Variants in KLF15 observed in about 807,000 individuals in gnomAD.
KLF15 encodes KLF transcription factor 15, also known as Krueppel-like factor 15.
In KLF15, 4 loss-of-function variants were observed where a neutral mutation model predicts 24.6. The observed-to-expected ratio is 0.16, with a 90% CI of 0.08 to 0.37. The LOEUF is 0.37. Among genes scored for constraint, KLF15 ranks in the 10% least tolerant of loss-of-function variants. The pLI is 1.00. For synonymous variants in KLF15, 246 were observed against 236.3 expected (o/e 1.04, Z -0.37); for missense variants, 496 against 560.6 (o/e 0.88, Z 1.16).
chr3:126,301,760 G>A, the KLF15 span, among the ~76,000 whole-genome samples: 3 of 151,358 alleles, frequency 2.0e-5, no homozygotes, highest in Non-Finnish European at 2.9e-5. Flanking sequence ...GATTACAGGC[G>A]CCCGCCACCA....
chr3:126,343,696 G>A lies in KLF15; in HGVS notation c.*31C>T. 2.5e-6 allele frequency: 4 copies of A among 1,593,730 alleles called. No individual in the cohort carries two copies. Among genetic ancestry groups the A allele is most frequent in the African/African-American group, 2.7e-5 (2 of 73,678 alleles). On this transcript the variant is annotated 3_prime_UTR_variant, in exon 3 of 3. Transcript: ENST00000296233. ...AAATGGGGATGGGGTGGGGATCCGG[G>A]GTGACGGACAGGCTGGGGTTCAGGG...
chr3:126,314,571 G>A, the KLF15 span, among the ~76,000 whole-genome samples: 1 of 152,114 alleles, frequency 6.6e-6, no homozygotes, highest in Non-Finnish European at 1.5e-5. Flanking sequence ...CCACACCTCT[G>A]TGCCCCAGGC....
the KLF15 span, among the ~76,000 whole-genome samples, chr3:126,313,069 T>C: frequency 6.6e-6 from 1 of 152,202 alleles, no homozygotes; most frequent in Admixed American, 6.5e-5. Flanking sequence ...GAATTAGGCC[T>C]TTAAACAGGC....
At chr3:126,295,871 T>C in the KLF15 span, among the ~76,000 whole-genome samples, 700 of 152,268 alleles carry the variant, frequency 4.6e-3, 7 homozygotes, top group African/African-American at 0.016. Flanking sequence ...CACTGTTAGG[T>C]TGGATTAGCC....
chr3:126,339,684 C>A (rs1310917231), downstream of KLF15, among the ~76,000 whole-genome samples: 1 of 152,166 alleles, frequency 6.6e-6, no homozygotes, highest in African/African-American at 2.4e-5. Context: ...CCCTGCCAGG[C>A]CTTGGATAGC....
chr3:126,296,380 T>C, the KLF15 span, among the ~76,000 whole-genome samples: 2 of 152,210 alleles, frequency 1.3e-5, no homozygotes, highest in Non-Finnish European at 2.9e-5. Flanking sequence ...GCTAATTTTT[T>C]GTATTTTTAA....
chr3:126,316,291 G>C, the KLF15 span, among the ~76,000 whole-genome samples: 6 of 151,820 alleles, frequency 4.0e-5, no homozygotes, highest in Non-Finnish European at 5.9e-5. Context: ...GGCCAGAATG[G>C]GGAAGGGAGT....
chr3:126,304,954 A>G, the KLF15 span, among the ~76,000 whole-genome samples: 32 of 152,252 alleles, frequency 2.1e-4, no homozygotes, highest in Non-Finnish European at 4.3e-4. Flanking sequence ...GTCCAAGTAG[A>G]GTCTACCTTT....
At chr3:126,323,552 G>T in the KLF15 span, among the ~76,000 whole-genome samples, 22,334 of 134,002 alleles carry the variant, frequency 0.17, 2,027 homozygotes, top group South Asian at 0.29. Flanking sequence ...TTTACTTTAA[G>T]TTCTGGGGTA....
At chr3:126,346,833 G>A (rs899066044) in intron 2 of KLF15, among the ~76,000 whole-genome samples, 2 of 152,216 alleles carry the variant, frequency 1.3e-5, no homozygotes, top group Non-Finnish European at 2.9e-5. Context: ...CTTGTAGGCA[G>A]TAAGCTCTGC....
chr3:126,327,476 GCAAGAGAT>G, the KLF15 span, among the ~76,000 whole-genome samples: 1 of 152,288 alleles, frequency 6.6e-6, no homozygotes, highest in African/African-American at 2.4e-5. Context: ...AGTAGTCTAG[GCAAGAGAT>G]CATGGGTGCT....
chr3:126,328,616 T>C, the KLF15 span, among the ~76,000 whole-genome samples: 2 of 152,166 alleles, frequency 1.3e-5, no homozygotes, highest in Non-Finnish European at 2.9e-5. Flanking sequence ...TTTTTTATTA[T>C]GGCCAAAAGA....
At chr3:126,301,654 G>A in the KLF15 span, among the ~76,000 whole-genome samples, 3 of 134,124 alleles carry the variant, frequency 2.2e-5, no homozygotes, top group South Asian at 2.3e-4. Context: ...CCCTGTTGTC[G>A]CCCAGGCTGG....
the KLF15 span, among the ~76,000 whole-genome samples, chr3:126,295,824 G>A: frequency 2.0e-5 from 3 of 152,100 alleles, no homozygotes; most frequent in African/African-American, 7.2e-5. Context: ...CCATCCCCCA[G>A]GTGATGTTGG....
the KLF15 span, among the ~76,000 whole-genome samples, chr3:126,309,698 A>G: frequency 0.48 from 73,055 of 151,574 alleles, 18,393 homozygotes; most frequent in Non-Finnish European, 0.55. Flanking sequence ...TTCCTTAGGG[A>G]AATGGCTGGT....
At chr3:126,297,707 C>T in the KLF15 span, among the ~76,000 whole-genome samples, 35 of 152,148 alleles carry the variant, frequency 2.3e-4, no homozygotes, top group African/African-American at 8.4e-4. Context: ...ATTTGGTTTT[C>T]TTTTTCTGAG....
At chr3:126,322,819 G>A in the KLF15 span, among the ~76,000 whole-genome samples, 1,327 of 152,290 alleles carry the variant, frequency 8.7e-3, 19 homozygotes, top group African/African-American at 0.028. Context: ...GCCAGGCAAA[G>A]CCTTATTTTC....
downstream of KLF15, among the ~76,000 whole-genome samples, chr3:126,338,517 C>T (rs2082455899): frequency 6.6e-6 from 1 of 152,178 alleles, no homozygotes; most frequent in Non-Finnish European, 1.5e-5. Context: ...ATGCGTAATG[C>T]AAAGACTTCT....
chr3:126,310,168 T>C, the KLF15 span, among the ~76,000 whole-genome samples: 2 of 152,216 alleles, frequency 1.3e-5, no homozygotes, highest in African/African-American at 4.8e-5. Flanking sequence ...GCAGGAGCCC[T>C]CCTGGCCTAA....
Sources: allele counts gnomAD v4.1 joint callset (sites outside exome capture counted in the v4.1 genomes callset), GRCh38; gene constraint gnomAD v4.1.1; transcripts MANE v1.5; gene names NCBI Gene and HGNC (gene_info 2026-07-23, HGNC 2026-07-21).